STXBP5L: variants seen among roughly 807,000 people sequenced by gnomAD.
The protein encoded by STXBP5L is syntaxin-binding protein 5-like.
STXBP5L carries 65 observed loss-of-function variants against 144.5 expected under a neutral mutation model. The observed-to-expected ratio is 0.45, with a 90% CI of 0.37 to 0.55. STXBP5L has a LOEUF of 0.55. Ranked by LOEUF, STXBP5L falls within the 20% of genes least tolerant of loss-of-function variation. The pLI is 0.00. For missense variants in STXBP5L, 1,298 were observed against 1,405.5 expected (o/e 0.92, Z 1.22); for synonymous variants, 505 against 469.6 (o/e 1.08, Z -0.97).
intron 20 of STXBP5L, among the ~76,000 whole-genome samples, chr3:121,358,957 T>A (rs1385879355): frequency 2.0e-5 from 3 of 152,202 alleles, no homozygotes; most frequent in Non-Finnish European, 4.4e-5. Context: ...CAGATTTTTT[T>A]TCTTTTGAAT....
At chr3:121,160,269 T>C (rs1315951934) in intron 9 of STXBP5L, among the ~76,000 whole-genome samples, 1 of 152,168 alleles carries the variant, frequency 6.6e-6, no homozygotes, top group African/African-American at 2.4e-5. Context: ...ATTTTTGCTT[T>C]ATTTATTTTG....
At chr3:121,125,977 G>T (rs991777103) in intron 7 of STXBP5L, among the ~76,000 whole-genome samples, 1 of 152,088 alleles carries the variant, frequency 6.6e-6, no homozygotes, top group African/African-American at 2.4e-5. Context: ...AACTTTTGGA[G>T]ATTTCTTGCA....
At chr3:121,110,020 A>G (rs2043904526) in intron 5 of STXBP5L, among the ~76,000 whole-genome samples, 1 of 152,304 alleles carries the variant, frequency 6.6e-6, no homozygotes, top group Non-Finnish European at 1.5e-5. Flanking sequence ...GTCAGAAACT[A>G]GGATTGCAAC....
At chr3:120,995,365 C>G (rs1255258872) in intron 3 of STXBP5L, among the ~76,000 whole-genome samples, 1 of 152,060 alleles carries the variant, frequency 6.6e-6, no homozygotes, top group African/African-American at 2.4e-5. Flanking sequence ...CCAGGCTGAT[C>G]TTGAACTCCT....
chr3:121,309,222 T>TA (rs1004328915), intron 19 of STXBP5L, among the ~76,000 whole-genome samples: 1 of 151,980 alleles, frequency 6.6e-6, no homozygotes, highest in African/African-American at 2.4e-5. Flanking sequence ...GACTTTTTTT[T>TA]AAAAAATCAA....
intron 22 of STXBP5L, among the ~76,000 whole-genome samples, chr3:121,388,898 G>T (rs1252773966): frequency 6.6e-6 from 1 of 152,162 alleles, no homozygotes; most frequent in African/African-American, 2.4e-5. Flanking sequence ...GATGATGTGG[G>T]CCTCATAAAA....
intron 3 of STXBP5L, among the ~76,000 whole-genome samples, chr3:120,994,506 A>G (rs746496698): frequency 1.3e-5 from 2 of 151,774 alleles, no homozygotes; most frequent in Non-Finnish European, 2.9e-5. Context: ...GAGAGTTGAG[A>G]TGTTGAATTT....
chr3:121,247,155 T>TTTTTATCA (rs1294772853), intron 14 of STXBP5L, among the ~76,000 whole-genome samples: 1 of 152,196 alleles, frequency 6.6e-6, no homozygotes, highest in Non-Finnish European at 1.5e-5. Context: ...AAAAATCAGT[T>TTTTTATCA]GGCTATATAC....
intron 7 of STXBP5L, among the ~76,000 whole-genome samples, chr3:121,127,148 G>T (rs1371829724): frequency 6.7e-6 from 1 of 148,458 alleles, no homozygotes. Flanking sequence ...AGATTTAAAG[G>T]AACTCCTACC....
intron 5 of STXBP5L, among the ~76,000 whole-genome samples, chr3:121,092,550 A>G (rs552487319): frequency 6.6e-6 from 1 of 152,318 alleles, no homozygotes; most frequent in South Asian, 2.1e-4. Flanking sequence ...ATGGGAGTTC[A>G]TTCATGATTT....
At chr3:121,113,980 C>T (rs1169641235) in intron 5 of STXBP5L, among the ~76,000 whole-genome samples, 2 of 151,896 alleles carry the variant, frequency 1.3e-5, no homozygotes, top group Non-Finnish European at 2.9e-5. Context: ...CCTTTTTATT[C>T]TTATATAAAG....
At chr3:121,012,892 T>A (rs1035527631) in intron 3 of STXBP5L, among the ~76,000 whole-genome samples, 2 of 151,958 alleles carry the variant, frequency 1.3e-5, no homozygotes, top group Non-Finnish European at 2.9e-5. Flanking sequence ...CCTATCTTTG[T>A]GTCCATTTAT....
At chr3:121,117,821 G>A (rs2044297027) in intron 6 of STXBP5L, among the ~76,000 whole-genome samples, 1 of 151,440 alleles carries the variant, frequency 6.6e-6, no homozygotes, top group South Asian at 2.1e-4. Flanking sequence ...TGTATATATT[G>A]GTTATTTGGA....
chr3:121,418,609 A>T, intron 26 of STXBP5L, 52 bp downstream of exon 26: 1 of 1,549,362 alleles, frequency 6.5e-7, no homozygotes, highest in Non-Finnish European at 8.8e-7. Flanking sequence ...AACTTTAAAC[A>T]TTTAGGATCT....
At chr3:121,297,202 ATGTGTGTGTGTGTGTG>A (rs71133526) in intron 19 of STXBP5L, among the ~76,000 whole-genome samples, 7 of 148,228 alleles carry the variant, frequency 4.7e-5, no homozygotes, top group Non-Finnish European at 6.0e-5. Context: ...TCTACATTAT[ATGTGTGTGTGTGTGTG>A]TGTGTGTGTG....
intron 11 of STXBP5L, among the ~76,000 whole-genome samples, chr3:121,230,713 G>T (rs1447341462): frequency 6.6e-6 from 1 of 152,278 alleles, no homozygotes; most frequent in Non-Finnish European, 1.5e-5. Context: ...TACAAATAAT[G>T]ATCAAGCTTT....
In STXBP5L at chr3:121,077,705, G is replaced by A. The variant is rs142813764; in HGVS notation, c.470+32170G>A. ...GGTCTGTTTTGACCGGGTGCTGATTGGTGCGTTTACAATCCCTGAGCTAGA... is the reference window on the plus strand; with the variant it reads ...GGTCTGTTTTGACCGGGTGCTGATTAGTGCGTTTACAATCCCTGAGCTAGA... On this transcript the variant is annotated intron_variant, in intron 5 of 26. Coordinates refer to ENST00000471454, the MANE Select transcript of STXBP5L (RefSeq NM_001308330.2). 4.0e-4 allele frequency among the ~76,000 whole-genome samples: 61 copies of A among 152,244 alleles called. No homozygotes were observed. The East Asian group carries it at 0.012, about 29-fold the overall frequency.
At chr3:121,079,763 A>G (rs1279496956) in intron 5 of STXBP5L, among the ~76,000 whole-genome samples, 1 of 152,188 alleles carries the variant, frequency 6.6e-6, no homozygotes, top group Non-Finnish European at 1.5e-5. Flanking sequence ...ATCTTGGAGA[A>G]TGTTCCCCAC....
At chr3:120,968,575 A>C (rs534740748) in intron 3 of STXBP5L, among the ~76,000 whole-genome samples, 1 of 152,140 alleles carries the variant, frequency 6.6e-6, no homozygotes, top group East Asian at 1.9e-4. Context: ...TTTAATTTTT[A>C]AAATAAATTT....
Sources: allele counts gnomAD v4.1 joint callset (sites outside exome capture counted in the v4.1 genomes callset), GRCh38; gene constraint gnomAD v4.1.1; transcripts MANE v1.5; gene names NCBI Gene and HGNC (gene_info 2026-07-23, HGNC 2026-07-21).